PDE4D: variants seen among roughly 807,000 people sequenced by gnomAD.
The protein encoded by PDE4D is phosphodiesterase 4D.
In PDE4D, 24 loss-of-function variants were observed where a neutral mutation model predicts 87.4. The observed-to-expected ratio is 0.27, with a 90% CI of 0.20 to 0.39. The LOEUF is 0.39. Ranked by LOEUF, PDE4D falls within the 10% of genes least tolerant of loss-of-function variation. The probability of loss-of-function intolerance (pLI) is 1.00; values close to 1 mark genes in which losing one functional copy is unlikely to be tolerated. For synonymous variants in PDE4D, 384 were observed against 383.2 expected (o/e 1.00, Z -0.02); for missense variants, 714 against 1,041.0 (o/e 0.69, Z 4.32).
intron 5 of PDE4D, among the ~76,000 whole-genome samples, chr5:59,174,077 G>A (rs1159570802): frequency 6.6e-6 from 1 of 152,110 alleles, no homozygotes; most frequent in African/African-American, 2.4e-5. Context: ...TAAGTGATTA[G>A]CCCAGATAAC....
At chr5:60,202,109 A>G (rs1417381524) in intron 1 of PDE4D, among the ~76,000 whole-genome samples, 1 of 152,222 alleles carries the variant, frequency 6.6e-6, no homozygotes, top group East Asian at 1.9e-4. Flanking sequence ...CTTTCTGAGC[A>G]CTATATATGC....
intron 1 of PDE4D, among the ~76,000 whole-genome samples, chr5:60,469,414 CT>C (rs1747649635): frequency 6.6e-6 from 1 of 152,190 alleles, no homozygotes; most frequent in Non-Finnish European, 1.5e-5. Flanking sequence ...CAGCTTCTCT[CT>C]TAGTGACTGC....
At position 60,029,007 on chromosome 5, in the gene PDE4D, T is replaced by C. The variant is rs544821568; in HGVS notation, c.43-40290A>G. Among the ~76,000 whole-genome samples the C allele has an allele frequency of 1.2e-3, 182 of 152,384 alleles. 1 individual carries two copies. Among genetic ancestry groups the C allele is most frequent in the African/African-American group, 4.3e-3 (177 of 41,600 alleles). ...CCACTTTCCAGTATAACTGGTTAGA[T>C]ACATATCTGTCCTCCCCGCTAAATT... is the stretch of plus-strand genomic sequence containing the variant. On this transcript the variant is annotated intron_variant, in intron 2 of 16. Transcript: ENST00000502484.
At chr5:59,432,247 T>C (rs1796208928) in intron 1 of PDE4D, among the ~76,000 whole-genome samples, 1 of 146,260 alleles carries the variant, frequency 6.8e-6, no homozygotes, top group South Asian at 2.1e-4. Context: ...AGTGGGCTCA[T>C]ACTATGTATA....
In PDE4D at chr5:59,395,095, C is replaced by A. The variant is rs1417582616; in HGVS notation, c.456-179127G>T. 3.3e-5 allele frequency among the ~76,000 whole-genome samples: 5 copies of A among 152,072 alleles called. No individual in the cohort carries two copies. In the East Asian group the frequency reaches 9.7e-4, roughly 29 times the overall value. ...GGGAGGGTCCTACCCCACGGAGTCT[C>A]GCTGATTGCTAGCACAGCAGTCTGA... On this transcript the variant is annotated intron_variant, in intron 1 of 14. Coordinates refer to ENST00000340635, the MANE Select transcript of PDE4D (RefSeq NM_001104631.2).
intron 1 of PDE4D, among the ~76,000 whole-genome samples, chr5:59,218,952 C>G (rs1367891129): frequency 6.8e-6 from 1 of 146,464 alleles, no homozygotes; most frequent in Non-Finnish European, 1.5e-5. Flanking sequence ...GAACAAAAAA[C>G]CAAACACCGC....
intron 2 of PDE4D, among the ~76,000 whole-genome samples, chr5:60,053,646 C>T (rs1770456360): frequency 6.6e-6 from 1 of 152,130 alleles, no homozygotes; most frequent in South Asian, 2.1e-4. Flanking sequence ...GACTTCATGA[C>T]TAAAACACCA....
Position 59,399,426 on chromosome 5 carries a change from C to T in PDE4D, c.456-183458G>A, listed in dbSNP as rs1214803262. On this transcript the variant is annotated intron_variant, in intron 1 of 14. Transcript: ENST00000340635. ...AGAACAGAGCCCTCAGAAATAACGC[C>T]GCATATCTACAACTATCTGATCTTT... Among the ~76,000 whole-genome samples, 958 of 136,582 alleles carry T rather than the reference C, an allele frequency of 7.0e-3. 27 individuals are homozygous for T. Among genetic ancestry groups the T allele is most frequent in the African/African-American group, 0.023 (908 of 38,866 alleles). The allele number at this position is 136,582 out of a possible 152,430, so 89.6% of individuals were successfully genotyped here.
rs559214657 is a variant in PDE4D, at chr5:60,442,297, G to A, written c.-90+45645C>T. Reference sequence around the variant, plus strand: ...GAGTTCATGTCCTTTTCAGGGACACGGATGAAGCTGGACACCATCATTCTC... The same window carrying A: ...GAGTTCATGTCCTTTTCAGGGACACAGATGAAGCTGGACACCATCATTCTC... On this transcript the variant is annotated intron_variant, in intron 1 of 16. Coordinates refer to the PDE4D transcript ENST00000502484. Among the ~76,000 whole-genome samples the A allele has an allele frequency of 1.8e-3, 271 of 152,078 alleles. 1 individual carries two copies. Among genetic ancestry groups the A allele is most frequent in the African/African-American group, 6.2e-3 (258 of 41,524 alleles).
At chr5:59,446,444 G>T (rs2153638368) in intron 1 of PDE4D, among the ~76,000 whole-genome samples, 1 of 152,238 alleles carries the variant, frequency 6.6e-6, no homozygotes, top group African/African-American at 2.4e-5. Flanking sequence ...GTGTGCATAA[G>T]AAAACTGCCT....
chr5:59,012,946 A>G (rs1324940834), intron 6 of PDE4D, among the ~76,000 whole-genome samples: 1 of 152,222 alleles, frequency 6.6e-6, no homozygotes, highest in African/African-American at 2.4e-5. Flanking sequence ...AAATTATAAC[A>G]AATTTTCTCT....
At position 58,977,220 on chromosome 5, in the gene PDE4D, G is replaced by T; in HGVS notation, c.1678C>A (p.Gln560Lys). The T allele has an allele frequency of 6.2e-7, 1 of 1,611,864 alleles. No individual in the cohort carries two copies. Among genetic ancestry groups the T allele is most frequent in the Non-Finnish European group, 8.5e-7 (1 of 1,179,258 alleles). ...TCAATGACCATTTTCCTTAAAGATT[G>T]TCTTTGTTTTTTGGTCAAATTCTGG... is the stretch of plus-strand genomic sequence containing the variant. ...IFQNLTKKQR[Q>K]SLRKMVIDIV... is the part of the protein sequence containing the mutation. The change falls in exon 12 of 15, where the codon CAA becomes AAA. Residue 560 changes from glutamine (Q) to lysine (K), a missense_variant. Around this residue, in one of 7 missense-constraint regions of PDE4D, gnomAD observed 26 missense variants for 96.9 expected, o/e 0.27. Transcript: ENST00000340635.
At chr5:60,309,076 C>T (rs16877888) in intron 1 of PDE4D, among the ~76,000 whole-genome samples, 9,212 of 152,002 alleles carry the variant, frequency 0.061, 924 homozygotes, top group African/African-American at 0.21. Flanking sequence ...GTTTAGTTTA[C>T]TCTGAGTTCT....
Position 59,193,480 on chromosome 5 carries a change from A to G in PDE4D, c.684+20T>C, listed in dbSNP as rs769914844. On this transcript the variant is annotated intron_variant, in intron 3 of 14. Coordinates refer to ENST00000340635, the MANE Select transcript of PDE4D (RefSeq NM_001104631.2). ...TTTTACATCTGTGAGAAACCTGCCC[A>G]TTCACCAAGCTGTGCTTACCTGAGC... 3 of 1,611,156 alleles carry G rather than the reference A, an allele frequency of 1.9e-6. No homozygotes were observed. In the African/African-American group the frequency reaches 4.0e-5, roughly 21 times the overall value.
intron 1 of PDE4D, among the ~76,000 whole-genome samples, chr5:59,299,864 C>A (rs986482889): frequency 1.3e-5 from 2 of 152,150 alleles, no homozygotes; most frequent in Non-Finnish European, 2.9e-5. Flanking sequence ...AATCCCAGCA[C>A]TTTGGGAGGC....
At chr5:59,019,913 A>G (rs1005878872) in intron 6 of PDE4D, among the ~76,000 whole-genome samples, 2 of 147,480 alleles carry the variant, frequency 1.4e-5, no homozygotes, top group African/African-American at 2.5e-5. Flanking sequence ...CTATCTATCT[A>G]TGTGTTTGAA....
chr5:59,205,949 T>G (rs1028873217), intron 2 of PDE4D, among the ~76,000 whole-genome samples: 1 of 152,286 alleles, frequency 6.6e-6, no homozygotes, highest in East Asian at 1.9e-4. Flanking sequence ...CTTCCACATT[T>G]GTTGAGGGGT....
At chr5:59,989,988 A>G (rs548162207) in intron 2 of PDE4D, among the ~76,000 whole-genome samples, 15 of 152,214 alleles carry the variant, frequency 9.9e-5, no homozygotes, top group Non-Finnish European at 1.8e-4. Context: ...TGATGTGCAT[A>G]GTTCATTACT....
chr5:59,620,843 T>C (rs1018212874), intron 1 of PDE4D, among the ~76,000 whole-genome samples: 1 of 152,150 alleles, frequency 6.6e-6, no homozygotes, highest in Non-Finnish European at 1.5e-5. Context: ...AGCAAAGTAT[T>C]GAGATGAAGA....
Sources: gnomAD v4.1 joint callset for allele counts (sites outside exome capture counted in the v4.1 genomes callset) on GRCh38, gnomAD v4.1.1 for gene constraint, gnomAD v4.1.1 regional missense constraint, MANE v1.5 for transcripts, NCBI Gene and HGNC (gene_info 2026-07-23, HGNC 2026-07-21) for gene names.